The following PRELID2 variants were observed in gnomAD, a reference collection of about 807,000 sequenced individuals.
PRELID2 encodes PRELI domain containing 2.
Under a neutral mutation model 28.4 loss-of-function variants are expected in PRELID2, and 25 were observed. The observed-to-expected ratio is 0.88, with a 90% CI of 0.64 to 1.23. PRELID2 has a LOEUF of 1.23. Among genes scored for constraint, PRELID2 ranks in the 50% most tolerant of loss-of-function variants. PRELID2 has a pLI of 0.00. For synonymous variants in PRELID2, 76 were observed against 71.6 expected (o/e 1.06, Z -0.31); for missense variants, 201 against 214.4 (o/e 0.94, Z 0.39).
At chr5:145,613,617 T>C (rs544833567) in intron 1 of PRELID2, among the ~76,000 whole-genome samples, 1 of 151,962 alleles carries the variant, frequency 6.6e-6, no homozygotes, top group Non-Finnish European at 1.5e-5. Context: ...AATGAGAACA[T>C]TTGTATATCT....
intron 1 of PRELID2, among the ~76,000 whole-genome samples, chr5:145,742,767 A>G (rs1222724397): frequency 6.6e-6 from 1 of 151,574 alleles, no homozygotes; most frequent in East Asian, 2.0e-4. Context: ...AATCAATGAG[A>G]TATAGCAGAA....
chr5:145,255,283 T>C, the PRELID2 span, among the ~76,000 whole-genome samples: 1 of 151,762 alleles, frequency 6.6e-6, no homozygotes, highest in Non-Finnish European at 1.5e-5. Flanking sequence ...TTAAAATAAC[T>C]GTGATGAATG....
At chr5:145,286,468 T>C in the PRELID2 span, among the ~76,000 whole-genome samples, 1 of 152,160 alleles carries the variant, frequency 6.6e-6, no homozygotes, top group African/African-American at 2.4e-5. Flanking sequence ...AATTTATAGA[T>C]AAGGAGACTG....
At chr5:145,624,062 T>A (rs1753811409) in intron 1 of PRELID2, among the ~76,000 whole-genome samples, 1 of 152,182 alleles carries the variant, frequency 6.6e-6, no homozygotes, top group African/African-American at 2.4e-5. Context: ...GAATGTGCTT[T>A]ACTTATTATT....
At chr5:145,281,566 C>T in the PRELID2 span, among the ~76,000 whole-genome samples, 20 of 152,118 alleles carry the variant, frequency 1.3e-4, no homozygotes, top group African/African-American at 3.9e-4. Context: ...GTATCTACCA[C>T]AAAATAAGAC....
chr5:145,405,896 G>A, the PRELID2 span, among the ~76,000 whole-genome samples: 12 of 151,566 alleles, frequency 7.9e-5, no homozygotes, highest in African/African-American at 1.2e-4. Context: ...TAGTAGAGAC[G>A]GGGTTTCACC....
the PRELID2 span, among the ~76,000 whole-genome samples, chr5:145,328,257 G>A: frequency 2.0e-5 from 3 of 152,160 alleles, no homozygotes; most frequent in Non-Finnish European, 4.4e-5. Flanking sequence ...ATGTGCATGT[G>A]TCTTTATAGT....
At chr5:145,414,706 T>C in the PRELID2 span, among the ~76,000 whole-genome samples, 1 of 152,240 alleles carries the variant, frequency 6.6e-6, no homozygotes, top group Non-Finnish European at 1.5e-5. Flanking sequence ...AGTGTTCTCC[T>C]ATTTTAAACT....
intron 1 of PRELID2, among the ~76,000 whole-genome samples, chr5:145,501,497 G>C (rs1561495025): frequency 6.6e-6 from 1 of 152,086 alleles, no homozygotes; most frequent in Middle Eastern, 3.2e-3. Context: ...GAATCATGTG[G>C]GCAGTTTCCC....
chr5:145,274,338 G>T, the PRELID2 span, among the ~76,000 whole-genome samples: 3 of 152,112 alleles, frequency 2.0e-5, no homozygotes, highest in Non-Finnish European at 4.4e-5. Flanking sequence ...TTAACAAGCA[G>T]TGCAGCAGAA....
At chr5:145,572,902 T>C (rs1431427333) in intron 1 of PRELID2, among the ~76,000 whole-genome samples, 1 of 152,192 alleles carries the variant, frequency 6.6e-6, no homozygotes, top group Non-Finnish European at 1.5e-5. Flanking sequence ...GGGTATACTT[T>C]GTGATTACTC....
intron 1 of PRELID2, among the ~76,000 whole-genome samples, chr5:145,508,154 A>T (rs913470409): frequency 4.6e-5 from 7 of 152,166 alleles, no homozygotes; most frequent in Admixed American, 4.6e-4. Context: ...ATCTTTCCCA[A>T]GAGAAATTTG....
intron 1 of PRELID2, among the ~76,000 whole-genome samples, chr5:145,599,099 C>G (rs1050897280): frequency 2.0e-5 from 3 of 152,104 alleles, no homozygotes; most frequent in African/African-American, 7.2e-5. Flanking sequence ...CGAAGGTGGT[C>G]ATTAACTTGC....
chr5:145,267,149 G>A, the PRELID2 span, among the ~76,000 whole-genome samples: 3 of 152,208 alleles, frequency 2.0e-5, no homozygotes, highest in African/African-American at 4.8e-5. Flanking sequence ...TCTGATGTTC[G>A]AGGACAGGAA....
chr5:145,534,346 A>T (rs1580970385), intron 1 of PRELID2, among the ~76,000 whole-genome samples: 1 of 152,048 alleles, frequency 6.6e-6, no homozygotes, highest in African/African-American at 2.4e-5. Context: ...ATGATAATTT[A>T]AAAAACTAAG....
chr5:145,458,780 G>A, the PRELID2 span, among the ~76,000 whole-genome samples: 4 of 151,970 alleles, frequency 2.6e-5, no homozygotes, highest in African/African-American at 9.7e-5. Context: ...ATGCATTTTG[G>A]TACATATTTT....
intron 1 of PRELID2, among the ~76,000 whole-genome samples, chr5:145,586,265 A>G (rs181854406): frequency 1.3e-3 from 194 of 152,008 alleles, no homozygotes; most frequent in Admixed American, 2.0e-3. Context: ...ATCTCTACTT[A>G]TATAAGTCCT....
chr5:145,492,072 C>A (rs1752274548), intron 1 of PRELID2, among the ~76,000 whole-genome samples: 1 of 152,110 alleles, frequency 6.6e-6, no homozygotes, highest in African/African-American at 2.4e-5. Context: ...ATTGCTGGAT[C>A]TTATAGTAGT....
chr5:145,405,699 G>GTTTTTT, the PRELID2 span, among the ~76,000 whole-genome samples: 3 of 45,986 alleles, frequency 6.5e-5, no homozygotes, highest in Non-Finnish European at 1.4e-4. Flanking sequence ...GTACCACATA[G>GTTTTTT]TTGTTTTTTT....
Sources: allele counts gnomAD v4.1 joint callset (sites outside exome capture counted in the v4.1 genomes callset), GRCh38; gene constraint gnomAD v4.1.1; transcripts MANE v1.5; gene names NCBI Gene and HGNC (gene_info 2026-07-23, HGNC 2026-07-21).